Variants in MFAP3L observed in about 807,000 individuals in gnomAD.
MFAP3L encodes microfibril associated protein 3 like.
A neutral mutation model predicts 20.0 loss-of-function variants in MFAP3L; 5 were observed. The ratio of observed to expected loss-of-function variants is 0.25; its 90% CI spans 0.13 to 0.53. The LOEUF (loss-of-function observed/expected upper bound fraction) is 0.53, where lower values mean the gene tolerates loss of function less well. Among genes scored for constraint, MFAP3L ranks in the 20% least tolerant of loss-of-function variants. MFAP3L has a pLI of 0.96. For missense variants in MFAP3L, 409 were observed against 527.5 expected, an observed-to-expected ratio of 0.78 and a Z score of 2.20; for synonymous variants, 219 against 213.0, an observed-to-expected ratio of 1.03 and a Z score of -0.25.
intron 1 of MFAP3L, among the ~76,000 whole-genome samples, chr4:170,011,942 G>A (rs992085961): frequency 5.9e-5 from 9 of 152,198 alleles, no homozygotes; most frequent in African/African-American, 1.9e-4. Flanking sequence ...AGAACCTGGG[G>A]AAATGTCTGT....
chr4:170,011,373 C>G (rs1739372033), intron 1 of MFAP3L, among the ~76,000 whole-genome samples: 1 of 152,130 alleles, frequency 6.6e-6, no homozygotes, highest in Admixed American at 6.5e-5. Flanking sequence ...ATCTCAATGC[C>G]CAAAGTCCTA....
chr4:170,013,668 A>G (rs1227403736), intron 1 of MFAP3L, among the ~76,000 whole-genome samples: 3 of 152,258 alleles, frequency 2.0e-5, no homozygotes, highest in African/African-American at 4.8e-5. Context: ...GGTTCCATAA[A>G]GCCAATTATT....
chr4:170,019,151 G>A (rs1463502816), intron 1 of MFAP3L, among the ~76,000 whole-genome samples: 3 of 152,234 alleles, frequency 2.0e-5, no homozygotes, highest in Non-Finnish European at 2.9e-5. Flanking sequence ...CTTTCTTGCA[G>A]GGGCGTCTGG....
chr4:169,998,443 A>G (rs373680738), intron 2 of MFAP3L, among the ~76,000 whole-genome samples: 31 of 152,364 alleles, frequency 2.0e-4, no homozygotes, highest in African/African-American at 7.2e-4. Context: ...GAACTGAAGA[A>G]TCACAGGGAA....
chr4:170,025,636 T>C (rs971984624), intron 1 of MFAP3L, among the ~76,000 whole-genome samples: 6 of 152,182 alleles, frequency 3.9e-5, no homozygotes, highest in African/African-American at 1.4e-4. Context: ...CGTTTCCCCA[T>C]TCCACGCCAT....
At chr4:169,996,497 G>C (rs1738177664) in intron 2 of MFAP3L, among the ~76,000 whole-genome samples, 1 of 152,084 alleles carries the variant, frequency 6.6e-6, no homozygotes, top group Non-Finnish European at 1.5e-5. Flanking sequence ...AAGTATAATG[G>C]CATCTGGGAG....
rs1737631413 is a variant in MFAP3L at position 169,991,149 on chromosome 4, C to T, written c.*229G>A. On this transcript the variant is annotated 3_prime_UTR_variant, in exon 3 of 3. Coordinates refer to ENST00000361618, the MANE Select transcript of MFAP3L (RefSeq NM_021647.8). The surrounding 1 kb of genome is among the most constrained non-coding windows in gnomAD (Gnocchi z 4.9). ...TCTGAAACTCATTATCACATAGACA[C>T]CTTCTGTCTGGTATCAATTCTGCAC... 2 of 567,078 alleles carry T rather than the reference C, an allele frequency of 3.5e-6. No individual in the cohort carries two copies. The highest frequency in any genetic ancestry group is 2.4e-5 in the South Asian group (1 of 41,714). 35.1% of individuals were successfully genotyped at this position (567,078 alleles called of 1,614,324 possible).
At chr4:170,018,785 GACA>G (rs1185243033) in intron 1 of MFAP3L, among the ~76,000 whole-genome samples, 2 of 152,078 alleles carry the variant, frequency 1.3e-5, no homozygotes, top group Non-Finnish European at 2.9e-5. Context: ...AAAACAAAAC[GACA>G]ACAACAACAA....
rs1737468196 is a variant in MFAP3L, at chr4:169,988,968, TCCATGTGGAAACCTAC to T, written c.*2394_*2409del. On this transcript the variant is annotated 3_prime_UTR_variant, in exon 3 of 3. Coordinates refer to ENST00000361618, the MANE Select transcript of MFAP3L (RefSeq NM_021647.8). ...TAGGTGGAATGGATGCCTTCTCCTT[TCCATGTGGAAACCTAC>T]ACATGGGTTTGGGTGGAATGACAAC... is the stretch of plus-strand genomic sequence containing the variant. 1.3e-5 allele frequency: 2 copies of T among 152,270 alleles called. No individual in the cohort carries two copies. The highest frequency in any genetic ancestry group is 1.3e-4 in the Admixed American group (2 of 15,300). The allele number at this position is 152,270 out of a possible 1,614,324, so 9.4% of individuals were successfully genotyped here.
intron 2 of MFAP3L, among the ~76,000 whole-genome samples, chr4:169,998,956 C>T (rs111962413): frequency 0.012 from 1,879 of 152,266 alleles, 40 homozygotes; most frequent in African/African-American, 0.042. Flanking sequence ...GCACAAAATG[C>T]GTGCATATGT....
In MFAP3L at chr4:169,995,721, C is replaced by T. The variant is rs770668051; in HGVS notation, c.299-3412G>A. On this transcript the variant is annotated intron_variant, in intron 2 of 2. Coordinates refer to ENST00000361618, the MANE Select transcript of MFAP3L (RefSeq NM_021647.8). ...TATCACAGATCTTCGGGGCTTTACACGCGAAGTGGGGATACACAGTGCAGT... is the reference window on the plus strand; with the variant it reads ...TATCACAGATCTTCGGGGCTTTACATGCGAAGTGGGGATACACAGTGCAGT... Among the ~76,000 whole-genome samples, 7 of 152,164 alleles carry T rather than the reference C, an allele frequency of 4.6e-5. No individual in the cohort carries two copies. In the East Asian group the frequency reaches 5.8e-4, roughly 13 times the overall value.
chr4:170,023,747 G>C (rs554276481), intron 1 of MFAP3L, among the ~76,000 whole-genome samples: 2 of 152,286 alleles, frequency 1.3e-5, no homozygotes, highest in Admixed American at 1.3e-4. Context: ...ATCTGGCTAG[G>C]CTGTGTTGAG....
chr4:170,026,245 G>C lies in MFAP3L; in HGVS notation c.-145C>G. 13 of 984,554 alleles carry C rather than the reference G, an allele frequency of 1.3e-5. No individual in the cohort carries two copies. The highest frequency in any genetic ancestry group is 1.6e-5 in the Non-Finnish European group (13 of 829,702). 61.0% of individuals were successfully genotyped at this position (984,554 alleles called of 1,614,324 possible). On this transcript the variant is annotated 5_prime_UTR_variant, in exon 1 of 3. Transcript: ENST00000361618. ...GGGCCCCCGCTAACCTGACACCGCC[G>C]CGCCACTCAGGTGGCCGCCGTGCAC...
chr4:170,000,890 CT>C (rs964564913), intron 2 of MFAP3L, among the ~76,000 whole-genome samples: 52 of 148,144 alleles, frequency 3.5e-4, no homozygotes, highest in East Asian at 1.6e-3. Flanking sequence ...GCCCTGCTAA[CT>C]TTTTTTTTTT....
At position 170,026,327 on chromosome 4, in the gene MFAP3L, C is replaced by T. The variant is rs1402376044; in HGVS notation, c.-227G>A. 3 of 978,174 alleles carry T rather than the reference C, an allele frequency of 3.1e-6. No individual in the cohort carries two copies. Among genetic ancestry groups the T allele is most frequent in the African/African-American group, 1.8e-5 (1 of 56,914 alleles). The allele number at this position is 978,174 out of a possible 1,614,324, so 60.6% of individuals were successfully genotyped here. A position where few individuals can be genotyped will look rare whatever the true frequency, so the allele number is the denominator to read the frequency against. On this transcript the variant is annotated 5_prime_UTR_variant, in exon 1 of 3. Transcript: ENST00000361618. The stretch of plus-strand genomic sequence containing the variant: ...TGCGCCGCACTCTGCGCCGGACGCC[C>T]GGTAGCGCCTACTGCGGGCGAGCCG...
At position 170,000,102 on chromosome 4, in the gene MFAP3L, C is replaced by G. The variant is rs150792780; in HGVS notation, c.298+5478G>C. On this transcript the variant is annotated intron_variant, in intron 2 of 2. Transcript: ENST00000361618. ...GGGGTTAGGCAAATGCAAAATTCAT[C>G]TGGTGCATAATACTTTGTAATTTCC... is the stretch of plus-strand genomic sequence containing the variant. Among the ~76,000 whole-genome samples, 501 of 152,306 alleles carry G rather than the reference C, an allele frequency of 3.3e-3. 4 individuals carry two copies. The highest frequency in any genetic ancestry group is 9.7e-3 in the African/African-American group (402 of 41,566).
At chr4:170,020,956 A>C (rs1443316062) in intron 1 of MFAP3L, among the ~76,000 whole-genome samples, 1 of 152,098 alleles carries the variant, frequency 6.6e-6, no homozygotes, top group Non-Finnish European at 1.5e-5. Context: ...GAATGAATTA[A>C]TGAATGGATG....
At chr4:170,026,150 G>C in intron 1 of MFAP3L, 84 bp downstream of exon 1, 1 of 832,046 alleles carries the variant, frequency 1.2e-6, no homozygotes, top group Non-Finnish European at 1.4e-6. Context: ...CGGCGGCCCC[G>C]GCGCCGACTC....
intron 1 of MFAP3L, among the ~76,000 whole-genome samples, chr4:170,008,428 A>G (rs1739177696): frequency 6.6e-6 from 1 of 152,196 alleles, no homozygotes; most frequent in Non-Finnish European, 1.5e-5. Flanking sequence ...TTCACTTCAG[A>G]TTTTTCAAAA....
Sources: allele counts gnomAD v4.1 joint callset (sites outside exome capture counted in the v4.1 genomes callset), GRCh38; gene constraint gnomAD v4.1.1; non-coding constraint Gnocchi (gnomAD v3.1); transcripts MANE v1.5; gene names NCBI Gene and HGNC (gene_info 2026-07-23, HGNC 2026-07-21).